Variants in RASGEF1A observed in about 807,000 individuals in gnomAD.
RASGEF1A encodes the protein ras-GEF domain-containing family member 1A.
Under a neutral mutation model 56.4 loss-of-function variants are expected in RASGEF1A, and 18 were observed. That is an observed-to-expected ratio of 0.32 (90% CI 0.22 to 0.47). The LOEUF is 0.47. Among genes scored for constraint, RASGEF1A ranks in the 20% least tolerant of loss-of-function variants. RASGEF1A has a pLI of 1.00. For synonymous variants in RASGEF1A, 245 were observed against 242.6 expected, an observed-to-expected ratio of 1.01 and a Z score of -0.09; for missense variants, 422 against 627.1, an observed-to-expected ratio of 0.67 and a Z score of 3.49.
chr10:43,206,242 C>T lies in RASGEF1A; in HGVS notation c.-6-120G>A, dbSNP rs994085499. 5.6e-5 allele frequency: 47 copies of T among 844,656 alleles called. 1 individual carries two copies. Among genetic ancestry groups the T allele is most frequent in the African/African-American group, 1.2e-4 (7 of 58,600 alleles). The allele number at this position is 844,656 out of a possible 1,614,324, so 52.3% of individuals were successfully genotyped here. ...GCAGGGGTGCGTGGCAGGGGCGCAG[C>T]GGCACTGGCAGAGGGCACCCCCATT... On this transcript the variant is annotated intron_variant, in intron 1 of 12. Transcript: ENST00000395810.
Position 43,199,125 on chromosome 10 carries a change from T to C in RASGEF1A, c.919A>G (p.Ile307Val), listed in dbSNP as rs911318558. The change falls in exon 8 of 13, where the codon ATC becomes GTC. Residue 307 changes from isoleucine to valine, a missense_variant. Around this residue, in one of 2 missense-constraint regions of RASGEF1A, gnomAD observed 149 missense variants for 287.2 expected, o/e 0.52. Coordinates refer to ENST00000395810, the MANE Select transcript of RASGEF1A (RefSeq NM_145313.4). ...GCCATCATGGAGTTGAAGTTCCCGATGTTGAAGCACTCCCGGGCCACATCA... is the reference window on the plus strand; with the variant it reads ...GCCATCATGGAGTTGAAGTTCCCGACGTTGAAGCACTCCCGGGCCACATCA... ...FIDVARECFN[I>V]GNFNSMMAII... 2 of 1,613,722 alleles carry C rather than the reference T, an allele frequency of 1.2e-6. No homozygotes were observed. Among genetic ancestry groups the C allele is most frequent in the Non-Finnish European group, 1.7e-6 (2 of 1,180,014 alleles).
chr10:43,224,176 T>G (rs1840244188), intron 1 of RASGEF1A, among the ~76,000 whole-genome samples: 2 of 152,234 alleles, frequency 1.3e-5, no homozygotes, highest in South Asian at 2.1e-4. Context: ...TTTCAAGCCT[T>G]TGAGGATAAG....
At chr10:43,264,150 C>A (rs1216218258) in intron 1 of RASGEF1A, among the ~76,000 whole-genome samples, 1 of 152,108 alleles carries the variant, frequency 6.6e-6, no homozygotes, top group Admixed American at 6.5e-5. Context: ...CCTTCCCAAA[C>A]CCTGCTCCCG....
At position 43,221,035 on chromosome 10, in the gene RASGEF1A, C is replaced by G. The variant is rs756193704; in HGVS notation, c.-6-14913G>C. On this transcript the variant is annotated intron_variant, in intron 1 of 12. Transcript: ENST00000395810. ...CATGACCAAGACACCTGCAGAAGCA[C>G]TGCCCTCGAGAACTCCGAAGCCTCT... Among the ~76,000 whole-genome samples, 94 of 152,214 alleles carry G rather than the reference C, an allele frequency of 6.2e-4. 2 individuals carry two copies. The highest frequency in any genetic ancestry group is 1.3e-4 in the Non-Finnish European group (9 of 68,042).
intron 1 of RASGEF1A, among the ~76,000 whole-genome samples, chr10:43,225,126 G>A (rs536192717): frequency 5.3e-5 from 8 of 151,782 alleles, no homozygotes; most frequent in Non-Finnish European, 8.8e-5. Context: ...GTGTCTATGT[G>A]TGTCTGTGTC....
rs76598547 is a variant in RASGEF1A, at chr10:43,236,300, C to A, written c.-6-30178G>T. ...GCAGCAGGCATCGTCTAGGGCACCG[C>A]GCATCCATGTGTGTTTGTGTGACCT... is the stretch of plus-strand genomic sequence containing the variant. On this transcript the variant is annotated intron_variant, in intron 1 of 12. Transcript: ENST00000395810. Among the ~76,000 whole-genome samples, 3 of 152,250 alleles carry A rather than the reference C, an allele frequency of 2.0e-5. No homozygotes were observed. In the South Asian group the frequency reaches 6.2e-4, roughly 31 times the overall value.
chr10:43,254,368 G>T (rs967842825), intron 1 of RASGEF1A, among the ~76,000 whole-genome samples: 6 of 152,192 alleles, frequency 3.9e-5, no homozygotes, highest in Non-Finnish European at 8.8e-5. Flanking sequence ...GTGTGGTGGG[G>T]CACTGGCCCT....
At chr10:43,250,493 GA>G (rs2133224350) in intron 1 of RASGEF1A, among the ~76,000 whole-genome samples, 1 of 152,380 alleles carries the variant, frequency 6.6e-6, no homozygotes, top group Admixed American at 6.5e-5. Context: ...ACGACTGCTA[GA>G]AACAGATTCC....
chr10:43,226,800 TCTTCCTTCCTC>T (rs965516850), intron 1 of RASGEF1A, among the ~76,000 whole-genome samples: 35 of 152,360 alleles, frequency 2.3e-4, no homozygotes, highest in Non-Finnish European at 4.6e-4. Flanking sequence ...TTCCTTCCTT[TCTTCCTTCCTC>T]CTTCCTTCCA....
chr10:43,248,080 G>A (rs1338071844), intron 1 of RASGEF1A, among the ~76,000 whole-genome samples: 1 of 149,958 alleles, frequency 6.7e-6, no homozygotes, highest in African/African-American at 2.5e-5. Flanking sequence ...ACATGGCCGA[G>A]TGTGGTAGCT....
Position 43,243,431 on chromosome 10 carries a change from G to A in RASGEF1A, c.-7+23414C>T, listed in dbSNP as rs534904568. On this transcript the variant is annotated intron_variant, in intron 1 of 12. Transcript: ENST00000395810. ...CCACCCCGCCTGGGAAGTGAGGGGC[G>A]TCTCTGCCCGGCCACCCCGCCTGGG... 4.2e-4 allele frequency among the ~76,000 whole-genome samples: 62 copies of A among 147,206 alleles called. 1 individual carries two copies. Among genetic ancestry groups the A allele is most frequent in the African/African-American group, 1.1e-3 (44 of 39,266 alleles).
intron 1 of RASGEF1A, among the ~76,000 whole-genome samples, chr10:43,251,247 G>A (rs1190105911): frequency 2.6e-5 from 4 of 152,162 alleles, no homozygotes; most frequent in Admixed American, 6.5e-5. Context: ...ATCAGCCAGC[G>A]GCAGCCGCCT....
rs183453302 is a variant in RASGEF1A at position 43,206,612 on chromosome 10, G to A, written c.-6-490C>T. On this transcript the variant is annotated intron_variant, in intron 1 of 12. Coordinates refer to ENST00000395810, the MANE Select transcript of RASGEF1A (RefSeq NM_145313.4). ...GAGGACAGTCTGAGGACTCAGGGCC[G>A]GACACACAGGCTGCATGTGCTGCTT... is the stretch of plus-strand genomic sequence containing the variant. 1.0e-5 allele frequency: 10 copies of A among 992,030 alleles called. No individual in the cohort carries two copies. In the South Asian group the frequency reaches 1.4e-4, roughly 14 times the overall value. 61.5% of individuals were successfully genotyped at this position (992,030 alleles called of 1,614,324 possible).
chr10:43,259,931 G>A (rs1289515680), intron 1 of RASGEF1A, among the ~76,000 whole-genome samples: 2 of 152,122 alleles, frequency 1.3e-5, no homozygotes, highest in African/African-American at 4.8e-5. Context: ...GGGGACGGCA[G>A]GAAGGCTCGG....
At chr10:43,234,662 A>G (rs1390937200) in intron 1 of RASGEF1A, among the ~76,000 whole-genome samples, 3 of 152,210 alleles carry the variant, frequency 2.0e-5, no homozygotes, top group Non-Finnish European at 4.4e-5. Context: ...CCACCTCATT[A>G]CTGGGCCACA....
At chr10:43,244,040 A>G (rs1344653534) in intron 1 of RASGEF1A, among the ~76,000 whole-genome samples, 1 of 152,250 alleles carries the variant, frequency 6.6e-6, no homozygotes, top group Non-Finnish European at 1.5e-5. Context: ...GTTCTGTACT[A>G]AGAAAAGTTC....
intron 9 of RASGEF1A, 30 bp downstream of exon 9, chr10:43,198,903 T>A: frequency 6.3e-7 from 1 of 1,574,830 alleles, no homozygotes; most frequent in Middle Eastern, 2.0e-4. Flanking sequence ...TGGGTGCAGC[T>A]CGCAGCTGTG....
chr10:43,264,315 A>G (rs1415934673), intron 1 of RASGEF1A, among the ~76,000 whole-genome samples: 1 of 151,564 alleles, frequency 6.6e-6, no homozygotes, highest in Admixed American at 6.5e-5. Context: ...GATACACCCA[A>G]AAAGTGGGCA....
chr10:43,224,719 T>A (rs1263055134), intron 1 of RASGEF1A, among the ~76,000 whole-genome samples: 1 of 152,266 alleles, frequency 6.6e-6, no homozygotes, highest in Non-Finnish European at 1.5e-5. Flanking sequence ...TATTATTTAA[T>A]GTTACTTTGC....
Sources: allele counts gnomAD v4.1 joint callset (sites outside exome capture counted in the v4.1 genomes callset), GRCh38; gene constraint gnomAD v4.1.1; regional missense constraint gnomAD v4.1.1; transcripts MANE v1.5; gene names NCBI Gene and HGNC (gene_info 2026-07-23, HGNC 2026-07-21).